FOXK1: variants seen among roughly 807,000 people sequenced by gnomAD.
FOXK1 encodes the protein forkhead box protein K1.
FOXK1 carries 19 observed loss-of-function variants against 51.9 expected under a neutral mutation model. That is an observed-to-expected ratio of 0.37 (90% CI 0.26 to 0.54). The LOEUF is 0.54. Ranked by LOEUF, FOXK1 falls within the 20% of genes least tolerant of loss-of-function variation. The pLI is 0.87. For missense variants in FOXK1, 870 were observed against 1,032.7 expected (o/e 0.84, Z 2.16); for synonymous variants, 537 against 482.6 (o/e 1.11, Z -1.48).
rs1043135699 is a variant in FOXK1, at chr7:4,683,451, T to TA, written c.560+585dup. ...CCCCCCCGGAGTCACCCCTGACCGC[T>TA]AACCCCACAAGCCTGGGCTCGCAGG... On this transcript the variant is annotated intron_variant, in intron 1 of 8. Transcript: ENST00000328914. The surrounding 1 kb of genome is among the most constrained non-coding windows in gnomAD (Gnocchi z 4.5). 6.7e-6 allele frequency among the ~76,000 whole-genome samples: 1 copy of TA among 150,330 alleles called. No homozygotes were observed. Among genetic ancestry groups the TA allele is most frequent in the African/African-American group, 2.5e-5 (1 of 40,666 alleles).
chr7:4,746,147 G>T (rs941382992), intron 2 of FOXK1, among the ~76,000 whole-genome samples: 1 of 152,120 alleles, frequency 6.6e-6, no homozygotes, highest in Non-Finnish European at 1.5e-5. Flanking sequence ...AAAGTAACTC[G>T]TACAATTCGG....
chr7:4,760,799 C>T (rs1299405592), intron 7 of FOXK1, among the ~76,000 whole-genome samples: 2 of 152,090 alleles, frequency 1.3e-5, no homozygotes, highest in African/African-American at 2.4e-5. Flanking sequence ...TGCAGTGAGC[C>T]GAGATGGCAC....
intron 1 of FOXK1, among the ~76,000 whole-genome samples, chr7:4,706,058 A>G (rs1377006811): frequency 1.4e-5 from 2 of 139,048 alleles, no homozygotes; most frequent in African/African-American, 3.2e-5. Context: ...ATATATGTAT[A>G]TATATGTGTA....
intron 1 of FOXK1, among the ~76,000 whole-genome samples, chr7:4,725,505 G>A (rs1402234931): frequency 3.3e-5 from 5 of 152,260 alleles, no homozygotes; most frequent in Non-Finnish European, 2.9e-5. Context: ...CCAGATGTCC[G>A]CTTTCTCTTT....
rs530624845 is a variant in FOXK1, at chr7:4,703,397, C to T, written c.560+20529C>T. Among the ~76,000 whole-genome samples, 5 of 152,240 alleles carry T rather than the reference C, an allele frequency of 3.3e-5. No homozygotes were observed. The East Asian group carries it at 5.8e-4, about 18-fold the overall frequency. ...GATGGGAGGACAACTCGCTGAAGTTCGTGGCCCCAAGACATGCGGAGAACC... is the reference window on the plus strand; with the variant it reads ...GATGGGAGGACAACTCGCTGAAGTTTGTGGCCCCAAGACATGCGGAGAACC... On this transcript the variant is annotated intron_variant, in intron 1 of 8. Transcript: ENST00000328914. This position sits in a 1 kb window ranked among gnomAD's most constrained non-coding sequence, Gnocchi z 5.6.
Position 4,748,959 on chromosome 7 carries a change from G to A in FOXK1, c.747-5500G>A, listed in dbSNP as rs1360096806. Among the ~76,000 whole-genome samples, 1 of 152,164 alleles carries A rather than the reference G, an allele frequency of 6.6e-6. No homozygotes were observed. Among genetic ancestry groups the A allele is most frequent in the Non-Finnish European group, 1.5e-5 (1 of 68,036 alleles). ...CTCCCAAAGCGCTGGGATTACAGGTGTGAGCCACCTCGCCTGGACCCCCAG... is the reference window on the plus strand; with the variant it reads ...CTCCCAAAGCGCTGGGATTACAGGTATGAGCCACCTCGCCTGGACCCCCAG... On this transcript the variant is annotated intron_variant, in intron 2 of 8. Transcript: ENST00000328914. The surrounding 1 kb of genome is among the most constrained non-coding windows in gnomAD (Gnocchi z 4.9).
chr7:4,705,517 T>TCTCTCTCTC (rs1780072758), intron 1 of FOXK1, among the ~76,000 whole-genome samples: 7 of 111,490 alleles, frequency 6.3e-5, no homozygotes, highest in African/African-American at 2.1e-4. Flanking sequence ...TTCCTTCTCT[T>TCTCTCTCTC]TCTCTCTCTC....
chr7:4,752,235 C>G (rs1183283875), intron 2 of FOXK1, among the ~76,000 whole-genome samples: 2 of 152,262 alleles, frequency 1.3e-5, no homozygotes, highest in Non-Finnish European at 2.9e-5. Context: ...GCCTCAAACT[C>G]CTAGGCTCAA....
At chr7:4,696,894 C>T (rs1402400119) in intron 1 of FOXK1, among the ~76,000 whole-genome samples, 3 of 152,032 alleles carry the variant, frequency 2.0e-5, no homozygotes, top group Non-Finnish European at 2.9e-5. Context: ...ATGGTGAAAC[C>T]CCATCTCTAC....
At chr7:4,721,431 A>C (rs1421091207) in intron 1 of FOXK1, among the ~76,000 whole-genome samples, 1 of 152,120 alleles carries the variant, frequency 6.6e-6, no homozygotes, top group Non-Finnish European at 1.5e-5. Context: ...GCTCAGTAAA[A>C]TGCCTTGAAT....
Position 4,759,447 on chromosome 7 carries a change from G to A in FOXK1, c.1548G>A (p.Val516=), listed in dbSNP as rs761316730. ...QQPAGHAIHV[V]QQAPTVTMVR... is the part of the protein sequence containing the mutation. ...CCGCGGGCCACGCCATCCACGTCGT[G>A]CAGCAGGCCCCCACCGTCACCATGG... The change falls in exon 7 of 9, where the codon GTG becomes GTA. Residue 516 remains valine (V), a synonymous_variant. Transcript: ENST00000328914. 1.8e-4 allele frequency: 283 copies of A among 1,593,374 alleles called. No individual in the cohort carries two copies. Among genetic ancestry groups the A allele is most frequent in the Non-Finnish European group, 2.3e-4 (274 of 1,174,652 alleles).
At chr7:4,696,367 C>T (rs926528537) in intron 1 of FOXK1, among the ~76,000 whole-genome samples, 2 of 152,076 alleles carry the variant, frequency 1.3e-5, no homozygotes, top group Admixed American at 1.3e-4. Flanking sequence ...CAGGTGAGCT[C>T]ATAAATATTA....
chr7:4,694,931 T>C (rs1171108433), intron 1 of FOXK1, among the ~76,000 whole-genome samples: 2 of 152,240 alleles, frequency 1.3e-5, no homozygotes, highest in Non-Finnish European at 2.9e-5. Flanking sequence ...CTGATGAAAT[T>C]AGGGAACCTC....
At position 4,762,281 on chromosome 7, in the gene FOXK1, A is replaced by G; in HGVS notation, c.2019A>G (p.Ala673=). ...GCGAGGTGGGGCCCAAGGAGCCAGC[A>G]GCAGCCGTCGCGGCCACGGCCACCA... ...RVCEVGPKEP[A]AAVAATATTT... The change falls in exon 9 of 9, where the codon GCA becomes GCG. Residue 673 remains alanine (A), a synonymous_variant. Coordinates refer to ENST00000328914, the MANE Select transcript of FOXK1 (RefSeq NM_001037165.2). This position sits in a 1 kb window ranked among gnomAD's most constrained non-coding sequence, Gnocchi z 5.7. The G allele has an allele frequency of 6.4e-7, 1 of 1,550,724 alleles. No individual in the cohort carries two copies.
At chr7:4,720,024 T>C (rs1307452703) in intron 1 of FOXK1, among the ~76,000 whole-genome samples, 10 of 152,228 alleles carry the variant, frequency 6.6e-5, no homozygotes, top group African/African-American at 2.2e-4. Context: ...TTGAGTTTTT[T>C]CTTTTTCTTT....
chr7:4,769,203 C>G lies in FOXK1; in HGVS notation c.*6739C>G, dbSNP rs1384942073. The G allele has an allele frequency of 2.6e-5, 4 of 152,174 alleles. No homozygotes were observed. The highest frequency in any genetic ancestry group is 9.7e-5 in the African/African-American group (4 of 41,418). The allele number at this position is 152,174 out of a possible 1,614,324, so 9.4% of individuals were successfully genotyped here. A position where few individuals can be genotyped will look rare whatever the true frequency, so the allele number is the denominator to read the frequency against. ...ATCTTAGTCACTCTTTGCACCTGCC[C>G]TGTCATTCTCGCCATGGGGAAAATG... On this transcript the variant is annotated 3_prime_UTR_variant, in exon 9 of 9. Coordinates refer to ENST00000328914, the MANE Select transcript of FOXK1 (RefSeq NM_001037165.2). The surrounding 1 kb of genome is among the most constrained non-coding windows in gnomAD (Gnocchi z 4.1).
chr7:4,696,227 A>G (rs560452191), intron 1 of FOXK1, among the ~76,000 whole-genome samples: 1 of 152,260 alleles, frequency 6.6e-6, no homozygotes, highest in South Asian at 2.1e-4. Flanking sequence ...GCCAAAGGAA[A>G]GACGCAAATC....
At position 4,755,186 on chromosome 7, in the gene FOXK1, A is replaced by G. The variant is rs111377663; in HGVS notation, c.904-51A>G. On this transcript the variant is annotated intron_variant, in intron 3 of 8. Coordinates refer to ENST00000328914, the MANE Select transcript of FOXK1 (RefSeq NM_001037165.2). The surrounding 1 kb of genome is among the most constrained non-coding windows in gnomAD (Gnocchi z 6.6). ...ATCAGCTGTGACGGGTGGGTGGGGT[A>G]GACTCAGGGACCTTGCTGGAGCTCA... 0.025 allele frequency: 40,413 copies of G among 1,595,270 alleles called. 760 individuals are homozygous for G. Among genetic ancestry groups the G allele is most frequent in the African/African-American group, 0.084 (6,266 of 74,714 alleles).
rs1780114377 is a variant in FOXK1 at position 4,707,298 on chromosome 7, ATTTCAGGG to A, written c.560+24431_560+24438del. On this transcript the variant is annotated intron_variant, in intron 1 of 8. Coordinates refer to ENST00000328914, the MANE Select transcript of FOXK1 (RefSeq NM_001037165.2). The surrounding 1 kb of genome is among the most constrained non-coding windows in gnomAD (Gnocchi z 4.1). ...AAAGAGCAGGTCTGGCTCAGTGCTT[ATTTCAGGG>A]AAAACTCTTGTGATGAATGGGCCAT... Among the ~76,000 whole-genome samples the A allele has an allele frequency of 3.9e-5, 6 of 152,166 alleles. No homozygotes were observed. The highest frequency in any genetic ancestry group is 3.9e-4 in the Admixed American group (6 of 15,284).
Sources: gnomAD v4.1 joint callset for allele counts (sites outside exome capture counted in the v4.1 genomes callset) on GRCh38, gnomAD v4.1.1 for gene constraint, Gnocchi (gnomAD v3.1) non-coding constraint, MANE v1.5 for transcripts, NCBI Gene and HGNC (gene_info 2026-07-23, HGNC 2026-07-21) for gene names.